The following FMN1 variants were observed in gnomAD, a reference collection of about 807,000 sequenced individuals.
FMN1 encodes formin 1.
FMN1 carries 110 observed loss-of-function variants against 132.4 expected under a neutral mutation model. That is an observed-to-expected ratio of 0.83 (90% CI 0.71 to 0.97). FMN1 has a LOEUF of 0.97. Ranked by LOEUF, FMN1 falls within the 50% of genes least tolerant of loss-of-function variation. FMN1 has a pLI of 0.00. For missense variants in FMN1, 1,792 were observed against 1,705.3 expected (o/e 1.05, Z -0.90); for synonymous variants, 722 against 651.7 (o/e 1.11, Z -1.64).
intron 9 of FMN1, among the ~76,000 whole-genome samples, chr15:32,947,127 C>T (rs371330313): frequency 6.6e-6 from 1 of 152,118 alleles, no homozygotes; most frequent in Non-Finnish European, 1.5e-5. Context: ...AAAAGATAGG[C>T]TCCTATATTA....
intron 9 of FMN1, among the ~76,000 whole-genome samples, chr15:32,963,519 A>G (rs2030840694): frequency 6.6e-6 from 1 of 152,164 alleles, no homozygotes; most frequent in South Asian, 2.1e-4. Context: ...GAAGAAAAAA[A>G]AAAGAAGGTG....
intron 19 of FMN1, among the ~76,000 whole-genome samples, chr15:32,790,665 A>C: frequency 6.6e-6 from 1 of 152,202 alleles, no homozygotes; most frequent in East Asian, 1.9e-4. Context: ...CTATCTGCTT[A>C]GGGTGGTCCT....
chr15:33,155,308 T>A (rs1566957645), intron 3 of FMN1, among the ~76,000 whole-genome samples: 1 of 152,168 alleles, frequency 6.6e-6, no homozygotes, highest in African/African-American at 2.4e-5. Context: ...ACATGGGGAC[T>A]CACTGTGCAG....
Position 32,991,161 on chromosome 15 carries a change from T to C in FMN1, c.2223+16853A>G, listed in dbSNP as rs186478320. On this transcript the variant is annotated intron_variant, in intron 7 of 20. Coordinates refer to ENST00000616417, the MANE Select transcript of FMN1 (RefSeq NM_001277313.2). ...AAGAAATAAAGGCATTTATAGCCCA[T>C]AGACAAAGGCCCTCATTCTTTATTT... Among the ~76,000 whole-genome samples, 471 of 152,238 alleles carry C rather than the reference T, an allele frequency of 3.1e-3. 4 individuals carry two copies. Among genetic ancestry groups the C allele is most frequent in the Middle Eastern group, 0.01 (3 of 294 alleles).
Position 33,142,241 on chromosome 15 carries a change from A to G in FMN1, c.1867+10807T>C, listed in dbSNP as rs180935929. On this transcript the variant is annotated intron_variant, in intron 4 of 20. Coordinates refer to ENST00000616417, the MANE Select transcript of FMN1 (RefSeq NM_001277313.2). ...GTTCTCAACAGCTATACATTACCCA[A>G]CTGGCTCAAAATCAATATGCTGTCA... Among the ~76,000 whole-genome samples, 16 of 152,248 alleles carry G rather than the reference A, an allele frequency of 1.1e-4. No homozygotes were observed. In the East Asian group the frequency reaches 3.1e-3, roughly 29 times the overall value.
At chr15:32,889,407 T>C (rs1388192209) in intron 15 of FMN1, among the ~76,000 whole-genome samples, 1 of 152,128 alleles carries the variant, frequency 6.6e-6, no homozygotes, top group African/African-American at 2.4e-5. Flanking sequence ...CAGCTTTCCT[T>C]CACATTCCAT....
intron 3 of FMN1, among the ~76,000 whole-genome samples, chr15:33,158,701 T>A (rs144877496): frequency 9.8e-5 from 15 of 152,324 alleles, no homozygotes; most frequent in African/African-American, 3.6e-4. Flanking sequence ...TAGGAGCCAA[T>A]GAAGAATCCT....
intron 6 of FMN1, among the ~76,000 whole-genome samples, chr15:33,044,307 G>T (rs1007597521): frequency 1.1e-4 from 17 of 152,200 alleles, no homozygotes; most frequent in African/African-American, 4.1e-4. Context: ...CCCTAGTGAG[G>T]CCCCACCTTC....
intron 4 of FMN1, among the ~76,000 whole-genome samples, chr15:33,139,930 T>A (rs976140013): frequency 1.5e-4 from 23 of 152,020 alleles, no homozygotes; most frequent in African/African-American, 4.8e-4. Context: ...ACTGACTTTT[T>A]TAAAAAAGAT....
intron 4 of FMN1, among the ~76,000 whole-genome samples, chr15:33,095,844 C>T (rs181045669): frequency 7.9e-4 from 120 of 152,144 alleles, no homozygotes; most frequent in African/African-American, 2.8e-3. Flanking sequence ...TACTGGTTGT[C>T]TTAATAGCTA....
At chr15:32,864,812 G>A (rs1218366825) in intron 16 of FMN1, among the ~76,000 whole-genome samples, 2 of 152,164 alleles carry the variant, frequency 1.3e-5, no homozygotes, top group African/African-American at 4.8e-5. Context: ...TGTACTTAGT[G>A]AATAGAGCTT....
chr15:33,116,788 T>C (rs556472455), intron 4 of FMN1, among the ~76,000 whole-genome samples: 6 of 151,986 alleles, frequency 3.9e-5, no homozygotes, highest in Middle Eastern at 3.4e-3. Context: ...GTCGACAAAG[T>C]ATAGGCCTTG....
intron 7 of FMN1, among the ~76,000 whole-genome samples, chr15:32,999,612 GT>G (rs1478335891): frequency 2.0e-5 from 3 of 152,246 alleles, no homozygotes; most frequent in Admixed American, 1.3e-4. Flanking sequence ...CCATCGCTCA[GT>G]GAAGTTTCCC....
intron 4 of FMN1, among the ~76,000 whole-genome samples, chr15:33,129,693 G>T (rs1963449684): frequency 6.6e-6 from 1 of 152,088 alleles, no homozygotes; most frequent in African/African-American, 2.4e-5. Flanking sequence ...CCAAGATATG[G>T]ACCCAGGGCT....
chr15:32,825,515 C>T (rs1188880852), intron 17 of FMN1, among the ~76,000 whole-genome samples: 1 of 152,166 alleles, frequency 6.6e-6, no homozygotes, highest in African/African-American at 2.4e-5. Flanking sequence ...TTCTACTCTC[C>T]CTACTCTTTT....
chr15:32,989,907 G>A (rs527386201), intron 7 of FMN1, among the ~76,000 whole-genome samples: 19 of 152,210 alleles, frequency 1.2e-4, no homozygotes, highest in South Asian at 1.0e-3. Context: ...CCATGACACC[G>A]TACATATACA....
intron 7 of FMN1, among the ~76,000 whole-genome samples, chr15:32,972,787 A>G (rs1388234095): frequency 1.3e-5 from 2 of 152,232 alleles, no homozygotes; most frequent in African/African-American, 4.8e-5. Flanking sequence ...CCTTGAGATC[A>G]TATTTCCAAG....
intron 7 of FMN1, among the ~76,000 whole-genome samples, chr15:32,979,006 C>T (rs936679644): frequency 6.6e-6 from 1 of 152,152 alleles, no homozygotes; most frequent in Non-Finnish European, 1.5e-5. Context: ...GAAACTTATA[C>T]ATAAGACTCT....
chr15:33,023,419 T>A (rs2035516549), intron 6 of FMN1, among the ~76,000 whole-genome samples: 1 of 152,162 alleles, frequency 6.6e-6, no homozygotes, highest in Non-Finnish European at 1.5e-5. Flanking sequence ...AATATTTTAG[T>A]AATGTTTAGA....
Sources: gnomAD v4.1 joint callset for allele counts (sites outside exome capture counted in the v4.1 genomes callset) on GRCh38, gnomAD v4.1.1 for gene constraint, MANE v1.5 for transcripts, NCBI Gene and HGNC (gene_info 2026-07-23, HGNC 2026-07-21) for gene names.